Variants in PRDM16 observed in about 807,000 individuals in gnomAD.
The protein encoded by PRDM16 is PR/SET domain 16.
Under a neutral mutation model 110.6 loss-of-function variants are expected in PRDM16, and 23 were observed. The ratio of observed to expected loss-of-function variants is 0.21; its 90% CI spans 0.15 to 0.29. The LOEUF (loss-of-function observed/expected upper bound fraction) is 0.29, where lower values mean the gene tolerates loss of function less well. PRDM16 is among the 10% of genes least tolerant of loss of function. The pLI is 1.00. For synonymous variants in PRDM16, 799 were observed against 781.8 expected (o/e 1.02, Z -0.37); for missense variants, 1,615 against 1,794.3 (o/e 0.90, Z 1.81).
chr1:3,411,525 G>A lies in PRDM16; in HGVS notation c.1328G>A (p.Arg443His), dbSNP rs1313622926. The A allele has an allele frequency of 2.5e-6, 4 of 1,614,048 alleles. No individual in the cohort carries two copies. Among genetic ancestry groups the A allele is most frequent in the East Asian group, 2.2e-5 (1 of 44,892 alleles). Residue 443 changes from arginine (R) to histidine (H), a missense_variant, in exon 9 of 17, where the codon CGC becomes CAC. Arg to His is a conservative substitution (Grantham distance 29). Transcript: ENST00000270722. ...ACCTCCTCCCTCAACAAGCACCGGC[G>A]CTTCTGCGAGGGCAAGAACCATTAC... ...STTSSLNKHRRFCEGKNHYTP... is the reference protein window; with the variant it reads ...STTSSLNKHRHFCEGKNHYTP...
chr1:3,147,347 C>T (rs569695905), intron 1 of PRDM16, among the ~76,000 whole-genome samples: 2 of 151,530 alleles, frequency 1.3e-5, no homozygotes, highest in South Asian at 4.1e-4. Context: ...GCACCTGGGC[C>T]TGTTTGCCGT....
chr1:3,345,485 T>G (rs1642342679), intron 3 of PRDM16, among the ~76,000 whole-genome samples: 1 of 152,174 alleles, frequency 6.6e-6, no homozygotes, highest in South Asian at 2.1e-4. Flanking sequence ...CCCTAGGAAG[T>G]GGCTAGCACG....
rs370700281 is a variant in PRDM16, at chr1:3,132,624, C to T, written c.38-53501C>T. On this transcript the variant is annotated intron_variant, in intron 1 of 16. Transcript: ENST00000270722. The stretch of plus-strand genomic sequence containing the variant: ...GGGTCTCTCTGACAGATCTGGAGCC[C>T]CCATGAGGTCCAGAATGTTCTAGAG... Among the ~76,000 whole-genome samples the T allele has an allele frequency of 2.0e-5, 3 of 152,196 alleles. No homozygotes were observed. In the East Asian group the frequency reaches 5.8e-4, roughly 29 times the overall value.
intron 3 of PRDM16, among the ~76,000 whole-genome samples, chr1:3,299,493 A>T (rs113404252): frequency 1.0e-5 from 1 of 96,764 alleles, no homozygotes; most frequent in South Asian, 4.1e-4. Flanking sequence ...GTGATGTTTC[A>T]GATCCCAGTC....
In PRDM16 at chr1:3,069,246, C is replaced by A. The variant is rs180925565; in HGVS notation, c.-14C>A. On this transcript the variant is annotated 5_prime_UTR_variant, in exon 1 of 17. Coordinates refer to ENST00000270722, the MANE Select transcript of PRDM16 (RefSeq NM_022114.4). The surrounding 1 kb of genome is among the most constrained non-coding windows in gnomAD (Gnocchi z 6.1). ...GACTCAAGGAGGAGGAGAGAGATTC[C>A]GCGAGCCGACACCATGCGATCCAAG... is the stretch of plus-strand genomic sequence containing the variant. 2.3e-4 allele frequency: 357 copies of A among 1,573,284 alleles called. 1 individual carries two copies. In the African/African-American group the frequency reaches 4.5e-3, roughly 20 times the overall value.
Position 3,111,282 on chromosome 1 carries a change from G to A in PRDM16, c.37+41986G>A, listed in dbSNP as rs1642785644. ...GCTTGTCCTCGGCCACGGCCTTAGT[G>A]GGGTGCGGGCAGCACCGGCCTCTGT... On this transcript the variant is annotated intron_variant, in intron 1 of 16. Coordinates refer to ENST00000270722, the MANE Select transcript of PRDM16 (RefSeq NM_022114.4). Among the ~76,000 whole-genome samples the A allele has an allele frequency of 2.6e-5, 4 of 152,226 alleles. No individual in the cohort carries two copies. In the South Asian group the frequency reaches 8.3e-4, roughly 32 times the overall value.
intron 1 of PRDM16, among the ~76,000 whole-genome samples, chr1:3,171,928 G>GC (rs1557500586): frequency 6.6e-6 from 1 of 152,086 alleles, no homozygotes; most frequent in Non-Finnish European, 1.5e-5. Context: ...CCAGGTGCAA[G>GC]CCCCCCGGCC....
intron 3 of PRDM16, among the ~76,000 whole-genome samples, chr1:3,277,756 T>TGCACACACGC (rs1210013766): frequency 1.6e-5 from 2 of 122,772 alleles, no homozygotes; most frequent in East Asian, 2.0e-4. Context: ...CGCACACACA[T>TGCACACACGC]GCACACACGC....
At chr1:3,324,112 C>T (rs1387537597) in intron 3 of PRDM16, among the ~76,000 whole-genome samples, 5 of 152,170 alleles carry the variant, frequency 3.3e-5, no homozygotes, top group Non-Finnish European at 5.9e-5. Context: ...AGGAGAGAGT[C>T]CTGGTGTAGC....
chr1:3,160,691 CTGA>C (rs1275086684), intron 1 of PRDM16, among the ~76,000 whole-genome samples: 5 of 152,200 alleles, frequency 3.3e-5, no homozygotes, highest in African/African-American at 9.6e-5. Flanking sequence ...CATCAAGACC[CTGA>C]TGATGACGGT....
intron 3 of PRDM16, among the ~76,000 whole-genome samples, chr1:3,343,504 C>CT (rs368240584): frequency 0.33 from 48,230 of 146,740 alleles, 7,926 homozygotes; most frequent in South Asian, 0.48. Context: ...TTTGTTCAGA[C>CT]TTTTTTTTTT....
intron 1 of PRDM16, among the ~76,000 whole-genome samples, chr1:3,180,961 TACAC>T (rs538692098): frequency 7.3e-6 from 1 of 137,210 alleles, no homozygotes; most frequent in Non-Finnish European, 1.5e-5. Context: ...CACGCAGTCT[TACAC>T]ACTCGGTCTT....
chr1:3,270,930 CGGCAGTTCCAGAGG>C (rs956843151), intron 3 of PRDM16, among the ~76,000 whole-genome samples: 11 of 151,648 alleles, frequency 7.3e-5, no homozygotes, highest in African/African-American at 1.5e-4. Context: ...TGGGGGAGGA[CGGCAGTTCCAGAGG>C]GGCAGTTCCA....
rs1490815665 is a variant in PRDM16 at position 3,114,295 on chromosome 1, GCACA to G, written c.37+45001_37+45004del. ...ACACACGCACACACGCAGTGGAAACGCACACGCACGCACACACACGCACACACGC... is the reference window on the plus strand; with the variant it reads ...ACACACGCACACACGCAGTGGAAACGCGCACGCACACACACGCACACACGC... On this transcript the variant is annotated intron_variant, in intron 1 of 16. Transcript: ENST00000270722. Among the ~76,000 whole-genome samples, 8 of 108,318 alleles carry G rather than the reference GCACA, an allele frequency of 7.4e-5. No homozygotes were observed. In the South Asian group the frequency reaches 1.9e-3, roughly 26 times the overall value. The allele number at this position is 108,318 out of a possible 152,430, so 71.1% of individuals were successfully genotyped here. A position where few individuals can be genotyped will look rare whatever the true frequency, so the allele number is the denominator to read the frequency against.
chr1:3,164,906 C>G (rs1643933497), intron 1 of PRDM16, among the ~76,000 whole-genome samples: 1 of 152,330 alleles, frequency 6.6e-6, no homozygotes, highest in Middle Eastern at 3.4e-3. Flanking sequence ...CGTGGGGAAT[C>G]AGATGTGCCC....
chr1:3,315,929 G>A (rs995707871), intron 3 of PRDM16, among the ~76,000 whole-genome samples: 7 of 152,004 alleles, frequency 4.6e-5, no homozygotes, highest in South Asian at 2.1e-4. Context: ...CCCTGCCTGC[G>A]GAAGGTATCT....
At position 3,170,658 on chromosome 1, in the gene PRDM16, G is replaced by C. The variant is rs1644015271; in HGVS notation, c.38-15467G>C. Among the ~76,000 whole-genome samples, 5 of 152,150 alleles carry C rather than the reference G, an allele frequency of 3.3e-5. No homozygotes were observed. The South Asian group carries it at 1.0e-3, about 32-fold the overall frequency. ...TGGTGGGAGGCCAGGCCAGGGCAGTGAGCCAGCCCGCCTCTGTGCCCAGAG... is the reference window on the plus strand; with the variant it reads ...TGGTGGGAGGCCAGGCCAGGGCAGTCAGCCAGCCCGCCTCTGTGCCCAGAG... On this transcript the variant is annotated intron_variant, in intron 1 of 16. Transcript: ENST00000270722.
At chr1:3,313,872 G>A (rs1410896041) in intron 3 of PRDM16, among the ~76,000 whole-genome samples, 2 of 152,242 alleles carry the variant, frequency 1.3e-5, no homozygotes, top group African/African-American at 4.8e-5. Flanking sequence ...TCCAGAGACA[G>A]GAAGCATTAA....
At chr1:3,093,061 C>G (rs1395767353) in intron 1 of PRDM16, among the ~76,000 whole-genome samples, 2 of 152,140 alleles carry the variant, frequency 1.3e-5, no homozygotes, top group East Asian at 1.9e-4. Flanking sequence ...CCTGGCTGAC[C>G]GCCCTCAATA....
Sources: allele counts gnomAD v4.1 joint callset (sites outside exome capture counted in the v4.1 genomes callset), GRCh38; gene constraint gnomAD v4.1.1; non-coding constraint Gnocchi (gnomAD v3.1); transcripts MANE v1.5; gene names NCBI Gene and HGNC (gene_info 2026-07-23, HGNC 2026-07-21).